CDH18: variants seen among roughly 807,000 people sequenced by gnomAD.
CDH18 encodes the protein cadherin-18.
CDH18 carries 31 observed loss-of-function variants against 67.9 expected under a neutral mutation model. The observed-to-expected ratio is 0.46, with a 90% confidence interval of 0.34 to 0.62. The LOEUF is 0.62. Among genes scored for constraint, CDH18 ranks in the 20% least tolerant of loss-of-function variants. The probability of loss-of-function intolerance (pLI) is 0.01; values close to 1 mark genes in which losing one functional copy is unlikely to be tolerated. For missense variants in CDH18, 890 were observed against 975.5 expected (o/e 0.91, Z 1.17); for synonymous variants, 362 against 347.2 (o/e 1.04, Z -0.48).
chr5:20,389,438 A>G (rs1253110632), intron 1 of CDH18, among the ~76,000 whole-genome samples: 1 of 151,942 alleles, frequency 6.6e-6, no homozygotes, highest in Non-Finnish European at 1.5e-5. Flanking sequence ...TTTTGAGCCT[A>G]TGTGTGTCTC....
intron 5 of CDH18, among the ~76,000 whole-genome samples, chr5:19,613,442 G>A (rs575357892): frequency 1.3e-5 from 2 of 152,078 alleles, no homozygotes; most frequent in Non-Finnish European, 2.9e-5. Flanking sequence ...CACTATTTTT[G>A]TTAGAAAACA....
At chr5:19,844,745 C>A (rs1285739796) in intron 2 of CDH18, among the ~76,000 whole-genome samples, 1 of 152,118 alleles carries the variant, frequency 6.6e-6, no homozygotes, top group Admixed American at 6.6e-5. Flanking sequence ...GTGAGCTCTG[C>A]AGATATGACA....
chr5:20,504,699 C>T (rs1209061319), intron 1 of CDH18, among the ~76,000 whole-genome samples: 2 of 148,324 alleles, frequency 1.3e-5, no homozygotes, highest in African/African-American at 5.0e-5. Context: ...AAAGAATGAA[C>T]AGTTAAACTT....
chr5:19,667,489 G>GC lies in CDH18; in HGVS notation c.643+53857_643+53858insG, dbSNP rs1407752641. ...ACTTATAATCACAATGAATATATATGTTATATATATATATATATACACACA... is the reference window on the plus strand; with the variant it reads ...ACTTATAATCACAATGAATATATATGCTTATATATATATATATATACACACA... On this transcript the variant is annotated intron_variant, in intron 5 of 12. Coordinates refer to ENST00000382275, the MANE Select transcript of CDH18 (RefSeq NM_004934.5). 3.6e-5 allele frequency among the ~76,000 whole-genome samples: 4 copies of GC among 112,194 alleles called. No homozygotes were observed. The East Asian group carries it at 9.1e-4, about 25-fold the overall frequency. The allele number at this position is 112,194 out of a possible 152,430, so 73.6% of individuals were successfully genotyped here.
intron 1 of CDH18, among the ~76,000 whole-genome samples, chr5:20,376,603 C>T (rs957646214): frequency 2.0e-5 from 3 of 150,750 alleles, no homozygotes; most frequent in African/African-American, 2.4e-5. Flanking sequence ...AAAGAAAAGA[C>T]GCTTAACTCT....
chr5:20,280,461 T>TG (rs1205906916), intron 1 of CDH18, among the ~76,000 whole-genome samples: 3 of 152,292 alleles, frequency 2.0e-5, no homozygotes, highest in Non-Finnish European at 4.4e-5. Flanking sequence ...ATGCGGTGTT[T>TG]GCTTTTTGCC....
At chr5:19,808,701 C>T (rs1168673299) in intron 3 of CDH18, among the ~76,000 whole-genome samples, 1 of 151,382 alleles carries the variant, frequency 6.6e-6, no homozygotes, top group East Asian at 2.0e-4. Flanking sequence ...CATGGTGGCG[C>T]ACACCTGTGA....
At chr5:19,712,943 T>C (rs1764895153) in intron 5 of CDH18, among the ~76,000 whole-genome samples, 1 of 151,812 alleles carries the variant, frequency 6.6e-6, no homozygotes, top group Non-Finnish European at 1.5e-5. Flanking sequence ...ATCAAATTGC[T>C]TGGTAATTAT....
chr5:20,192,738 C>A (rs895411054), intron 2 of CDH18, among the ~76,000 whole-genome samples: 5 of 151,958 alleles, frequency 3.3e-5, no homozygotes, highest in Non-Finnish European at 5.9e-5. Context: ...GCACCATGCT[C>A]TTTTGGTTAC....
chr5:20,506,653 C>T (rs931024319), intron 1 of CDH18, among the ~76,000 whole-genome samples: 2 of 152,174 alleles, frequency 1.3e-5, no homozygotes, highest in Admixed American at 1.3e-4. Flanking sequence ...TAAGCCACAC[C>T]CAGACTCCTG....
intron 7 of CDH18, among the ~76,000 whole-genome samples, chr5:19,582,932 T>C (rs574176524): frequency 3.0e-4 from 46 of 152,056 alleles, no homozygotes; most frequent in African/African-American, 1.0e-3. Context: ...AGAATAAATC[T>C]AGTATGGTTG....
chr5:19,748,078 A>C (rs574357213), intron 3 of CDH18, among the ~76,000 whole-genome samples: 65 of 132,464 alleles, frequency 4.9e-4, no homozygotes, highest in South Asian at 1.9e-3. Flanking sequence ...GCGCCACTGC[A>C]CTCCAGGCTG....
chr5:19,688,160 A>G (rs1761380395), intron 5 of CDH18, among the ~76,000 whole-genome samples: 1 of 152,082 alleles, frequency 6.6e-6, no homozygotes, highest in Non-Finnish European at 1.5e-5. Flanking sequence ...ACACTACCCA[A>G]AACCCAAAGA....
At chr5:19,765,146 A>G (rs1285009748) in intron 3 of CDH18, among the ~76,000 whole-genome samples, 1 of 152,146 alleles carries the variant, frequency 6.6e-6, no homozygotes, top group Non-Finnish European at 1.5e-5. Flanking sequence ...CTCAGCTAAA[A>G]TCCAATTCAA....
chr5:19,948,810 C>A (rs1424678712), intron 2 of CDH18, among the ~76,000 whole-genome samples: 1 of 152,106 alleles, frequency 6.6e-6, no homozygotes, highest in Non-Finnish European at 1.5e-5. Context: ...TTTTGTCCAA[C>A]TTTCTGTGGA....
At chr5:19,497,838 C>T (rs1742604780) in intron 11 of CDH18, among the ~76,000 whole-genome samples, 1 of 152,122 alleles carries the variant, frequency 6.6e-6, no homozygotes, top group African/African-American at 2.4e-5. Flanking sequence ...GGAGTTACTT[C>T]CATAAAGTGT....
chr5:20,255,069 C>A (rs1303779904), intron 2 of CDH18, among the ~76,000 whole-genome samples: 1 of 152,010 alleles, frequency 6.6e-6, no homozygotes, highest in Non-Finnish European at 1.5e-5. Flanking sequence ...TAAATGAGAG[C>A]TAAAATTGAG....
intron 2 of CDH18, among the ~76,000 whole-genome samples, chr5:19,943,088 A>C (rs1377442691): frequency 6.6e-6 from 1 of 152,126 alleles, no homozygotes; most frequent in East Asian, 1.9e-4. Flanking sequence ...ATCATAATAT[A>C]ATAATTCCCA....
At chr5:19,923,224 T>C (rs1792700102) in intron 2 of CDH18, among the ~76,000 whole-genome samples, 2 of 152,138 alleles carry the variant, frequency 1.3e-5, no homozygotes, top group Non-Finnish European at 1.5e-5. Context: ...AGCCTAGATA[T>C]GTGAATGATG....
Sources: allele counts gnomAD v4.1 joint callset (sites outside exome capture counted in the v4.1 genomes callset), GRCh38; gene constraint gnomAD v4.1.1; transcripts MANE v1.5; gene names NCBI Gene and HGNC (gene_info 2026-07-23, HGNC 2026-07-21).